Variants in AP3D1 observed in about 807,000 individuals in gnomAD.
AP3D1 encodes the protein AP-3 complex subunit delta-1.
Under a neutral mutation model 147.6 loss-of-function variants are expected in AP3D1, and 51 were observed. The ratio of observed to expected loss-of-function variants is 0.35; its 90% confidence interval spans 0.28 to 0.44. The LOEUF (loss-of-function observed/expected upper bound fraction) is 0.44, where lower values mean the gene tolerates loss of function less well. Among genes scored for constraint, AP3D1 ranks in the 20% least tolerant of loss-of-function variants. AP3D1 has a pLI of 1.00. For synonymous variants in AP3D1, 760 were observed against 663.0 expected (o/e 1.15, Z -2.25); for missense variants, 1,421 against 1,624.2 (o/e 0.87, Z 2.15).
chr19:2,140,893 G>A (rs2019203276), intron 1 of AP3D1, among the ~76,000 whole-genome samples: 1 of 151,276 alleles, frequency 6.6e-6, no homozygotes, highest in Non-Finnish European at 1.5e-5. Flanking sequence ...TGAGTAGCTA[G>A]GATTACAGGG....
In AP3D1 at chr19:2,116,647, G is replaced by C; in HGVS notation, c.1959C>G (p.Pro653=). 1.2e-5 allele frequency: 20 copies of C among 1,604,534 alleles called. No homozygotes were observed. Among genetic ancestry groups the C allele is most frequent in the Non-Finnish European group, 1.7e-5 (20 of 1,175,952 alleles). The change falls in exon 17 of 32, where the codon CCC becomes CCG. Residue 653 remains proline, a synonymous_variant. Transcript: ENST00000643116. ...CGTCCGCCTCCGACGGCCGGTGCTT[G>C]GGACGCCGCTGCTCCTCCTCGTGGA... ...AVFHEEEQRR[P]KHRPSEADEE...
Position 2,118,845 on chromosome 19 carries a change from A to G in AP3D1, c.1482-13T>C, listed in dbSNP as rs756069533. On this transcript the variant is annotated splice_polypyrimidine_tract_variant and intron_variant, in intron 14 of 31. Coordinates refer to ENST00000643116, the MANE Select transcript of AP3D1 (RefSeq NM_001261826.3). The stretch of plus-strand genomic sequence containing the variant: ...TTCCTGCAGATGCCTGAGGACAGGA[A>G]ACACTGTGAGCCCCCAGGATGCCAA... 6 of 1,608,766 alleles carry G rather than the reference A, an allele frequency of 3.7e-6. No individual in the cohort carries two copies. Among genetic ancestry groups the G allele is most frequent in the Non-Finnish European group, 5.1e-6 (6 of 1,176,836 alleles).
At chr19:2,118,159 C>T (rs560367078) in intron 15 of AP3D1, among the ~76,000 whole-genome samples, 7 of 152,140 alleles carry the variant, frequency 4.6e-5, no homozygotes, top group South Asian at 4.2e-4. Flanking sequence ...AACTCCATCT[C>T]GAAAAATCAA....
At chr19:2,114,539 T>A (rs1222983658) in intron 21 of AP3D1, among the ~76,000 whole-genome samples, 1 of 152,126 alleles carries the variant, frequency 6.6e-6, no homozygotes, top group Admixed American at 6.5e-5. Context: ...ACCCCAGGCC[T>A]GGAGACTTCA....
At chr19:2,145,578 C>T (rs1002675907) in intron 1 of AP3D1, among the ~76,000 whole-genome samples, 2 of 152,220 alleles carry the variant, frequency 1.3e-5, no homozygotes, top group Non-Finnish European at 2.9e-5. Context: ...CTGATGTCCA[C>T]AGTGCCACGG....
upstream of AP3D1, among the ~76,000 whole-genome samples, chr19:2,153,817 A>G (rs1327363214): frequency 6.6e-6 from 1 of 152,216 alleles, no homozygotes; most frequent in African/African-American, 2.4e-5. Flanking sequence ...AGCTAGTGCT[A>G]AACAGTTTCC....
In AP3D1 at chr19:2,102,871, C is replaced by T. The variant is rs565795949; in HGVS notation, c.3553-603G>A. 5.3e-5 allele frequency among the ~76,000 whole-genome samples: 8 copies of T among 152,206 alleles called. No homozygotes were observed. The South Asian group carries it at 1.0e-3, about 20-fold the overall frequency. On this transcript the variant is annotated intron_variant, in intron 31 of 31. Coordinates refer to ENST00000643116, the MANE Select transcript of AP3D1 (RefSeq NM_001261826.3). ...GCTGAAGCAGGAGACTCTCTTGAAC[C>T]CAGGGGGTGGAGGTTGCATGTGAGT... is the stretch of plus-strand genomic sequence containing the variant.
At position 2,137,086 on chromosome 19, in the gene AP3D1, A is replaced by G. The variant is rs1227228090; in HGVS notation, c.279T>C (p.Ile93=). ...AGCTCTGGGAAGCAGCGAGGTAGCC[A>G]ATTCGCTGGGAGAGAACAGATGAGC... The part of the protein sequence containing the change: ...MSASKFTFKR[I]GYLAASQSFH... Residue 93 remains isoleucine (I), a synonymous_variant, in exon 4 of 32, where the codon ATT becomes ATC. Coordinates refer to ENST00000643116, the MANE Select transcript of AP3D1 (RefSeq NM_001261826.3). 6.3e-7 allele frequency: 1 copy of G among 1,584,382 alleles called. No individual in the cohort carries two copies. Among genetic ancestry groups the G allele is most frequent in the Non-Finnish European group, 8.6e-7 (1 of 1,165,360 alleles).
intron 5 of AP3D1, among the ~76,000 whole-genome samples, chr19:2,131,612 C>G (rs1305618780): frequency 8.5e-6 from 1 of 117,796 alleles, no homozygotes; most frequent in African/African-American, 3.7e-5. Context: ...GGCAGCCACG[C>G]GGGGACAGCG....
At chr19:2,105,358 T>C (rs919935926) in intron 31 of AP3D1, among the ~76,000 whole-genome samples, 2 of 152,204 alleles carry the variant, frequency 1.3e-5, no homozygotes, top group African/African-American at 4.8e-5. Flanking sequence ...TTGATGGGAA[T>C]GAGGGCAAGG....
chr19:2,121,457 C>A, intron 12 of AP3D1, 146 bp from the exon 13 acceptor site: 1 of 1,166,800 alleles, frequency 8.6e-7, no homozygotes, highest in Non-Finnish European at 1.2e-6. Context: ...GCAGCAGGCC[C>A]CTGCGATGTG....
rs577598473 is a variant in AP3D1 at position 2,159,937 on chromosome 19, C to T, written c.-103+4419G>A. ...TTCACCACGTTAGCCAGAATGGTCT[C>T]GATCTCCTGACCCCGTGATCTGCCC... On this transcript the variant is annotated intron_variant, in intron 1 of 14. Transcript: ENST00000643010. 3.1e-4 allele frequency among the ~76,000 whole-genome samples: 47 copies of T among 152,082 alleles called. No individual in the cohort carries two copies. In the Middle Eastern group the frequency reaches 0.01, roughly 33 times the overall value.
intron 5 of AP3D1, among the ~76,000 whole-genome samples, chr19:2,130,999 C>T (rs954802674): frequency 2.1e-4 from 32 of 152,362 alleles, no homozygotes; most frequent in Middle Eastern, 3.4e-3. Context: ...TCCACCCTCT[C>T]GTGGGCTCCC....
chr19:2,131,567 C>G (rs35500266), intron 5 of AP3D1, among the ~76,000 whole-genome samples: 1 of 79,946 alleles, frequency 1.3e-5, no homozygotes, highest in African/African-American at 4.1e-5. Context: ...GCGGGGACAG[C>G]GCCCATCGGC....
rs1599515683 is a variant in AP3D1, at chr19:2,164,337, C to A, written c.-103+19G>T. On this transcript the variant is annotated intron_variant, in intron 1 of 14. Coordinates refer to the AP3D1 transcript ENST00000643010. Reference sequence around the variant, plus strand: ...CGCCGCCCCTGGGGACACCCCAAACCCCCCCAAGCCGCGCTCACCGGTCCC... The same window carrying A: ...CGCCGCCCCTGGGGACACCCCAAACACCCCCAAGCCGCGCTCACCGGTCCC... 18 of 1,093,220 alleles carry A rather than the reference C, an allele frequency of 1.6e-5. No individual in the cohort carries two copies. The East Asian group carries it at 4.0e-4, about 24-fold the overall frequency. The allele number at this position is 1,093,220 out of a possible 1,614,324, so 67.7% of individuals were successfully genotyped here.
rs1229729399 is a variant in AP3D1 at position 2,116,277 on chromosome 19, C to T, written c.2003G>A (p.Arg668His). Residue 668 changes from arginine (R) to histidine (H), a missense_variant and splice_region_variant, in exon 18 of 32, where the codon CGC (arginine) becomes CAC (histidine). Physicochemically the swap from Arg to His is conservative, Grantham distance 29. Around this residue, in one of 6 missense-constraint regions of AP3D1, gnomAD observed 791 missense variants for 761.4 expected, o/e 1.04. Coordinates refer to ENST00000643116, the MANE Select transcript of AP3D1 (RefSeq NM_001261826.3). The stretch of plus-strand genomic sequence containing the variant: ...CTGCTCCTGCTTCCGGGCCTCTCGG[C>T]GCTGTGGGACACAGCTTGGCATGAG... The part of the protein sequence containing the change: ...SEADEEELAR[R>H]REARKQEQAN... 3.1e-6 allele frequency: 5 copies of T among 1,613,916 alleles called. No individual in the cohort carries two copies. The highest frequency in any genetic ancestry group is 2.2e-5 in the South Asian group (2 of 91,072).
At chr19:2,138,252 G>A (rs2019129051) in intron 2 of AP3D1, among the ~76,000 whole-genome samples, 1 of 152,212 alleles carries the variant, frequency 6.6e-6, no homozygotes, top group African/African-American at 2.4e-5. Context: ...GCCAGGAAAG[G>A]AGCCAGCCCT....
At chr19:2,139,394 G>A (rs909020721) in intron 1 of AP3D1, among the ~76,000 whole-genome samples, 4 of 152,200 alleles carry the variant, frequency 2.6e-5, no homozygotes, top group Admixed American at 6.5e-5. Flanking sequence ...TTGAGGGGAT[G>A]TGTCTGGTGT....
rs763697220 is a variant in AP3D1, at chr19:2,111,673, C to A, written c.2937+6G>T. On this transcript the variant is annotated splice_donor_region_variant and intron_variant, in intron 25 of 31. Transcript: ENST00000643116. ...CGTGGGGCGGGGGCGCTGAAGTACC[C>A]CTCACCGGGAGCTGCTCCTCCTCTG... The A allele has an allele frequency of 6.3e-7, 1 of 1,583,038 alleles. No individual in the cohort carries two copies. The highest frequency in any genetic ancestry group is 1.1e-5 in the South Asian group (1 of 87,872).
Sources: allele counts gnomAD v4.1 joint callset (sites outside exome capture counted in the v4.1 genomes callset), GRCh38; gene constraint gnomAD v4.1.1; regional missense constraint gnomAD v4.1.1; transcripts MANE v1.5; gene names NCBI Gene and HGNC (gene_info 2026-07-23, HGNC 2026-07-21).